The following VPS13B variants were observed in gnomAD, a reference collection of about 807,000 sequenced individuals.
The protein encoded by VPS13B is vacuolar protein sorting 13 homolog B, also known as intermembrane lipid transfer protein VPS13B.
A neutral mutation model predicts 426.4 loss-of-function variants in VPS13B; 285 were observed. The ratio of observed to expected loss-of-function variants is 0.67; its 90% CI spans 0.61 to 0.74. VPS13B has a LOEUF of 0.74. Among genes scored for constraint, VPS13B ranks in the 30% least tolerant of loss-of-function variants. The probability of loss-of-function intolerance (pLI) is 0.00; values close to 1 mark genes in which losing one functional copy is unlikely to be tolerated. For missense variants in VPS13B, 4,537 were observed against 4,782.6 expected (o/e 0.95, Z 1.51); for synonymous variants, 1,676 against 1,676.4 (o/e 1.00, Z 0.01).
chr8:99,787,209 G>A (rs993528948), intron 43 of VPS13B, among the ~76,000 whole-genome samples: 1 of 152,122 alleles, frequency 6.6e-6, no homozygotes, highest in Non-Finnish European at 1.5e-5. Flanking sequence ...ACCTGGAAAG[G>A]TTTCAAAGAG....
At chr8:99,761,517 C>CTT (rs947701399) in intron 39 of VPS13B, among the ~76,000 whole-genome samples, 7 of 152,156 alleles carry the variant, frequency 4.6e-5, no homozygotes, top group African/African-American at 1.7e-4. Context: ...TACTTAAAAA[C>CTT]TTAGTGGTGC....
intron 21 of VPS13B, among the ~76,000 whole-genome samples, chr8:99,414,760 G>A (rs1420221739): frequency 2.6e-5 from 4 of 152,136 alleles, no homozygotes; most frequent in Non-Finnish European, 4.4e-5. Context: ...TTCTCTTCTG[G>A]CTTGTACGGT....
chr8:99,068,147 T>G (rs978644879), intron 3 of VPS13B, among the ~76,000 whole-genome samples: 1 of 152,242 alleles, frequency 6.6e-6, no homozygotes, highest in African/African-American at 2.4e-5. Context: ...TTCCTTTCCT[T>G]TCTTTTCTTA....
chr8:99,063,607 G>A (rs995199802), intron 3 of VPS13B, among the ~76,000 whole-genome samples: 3 of 152,232 alleles, frequency 2.0e-5, no homozygotes, highest in African/African-American at 4.8e-5. Flanking sequence ...GCTCAGCAAG[G>A]CCTGCTGCCT....
At chr8:99,389,603 A>G (rs550793145) in intron 20 of VPS13B, 1 of 152,312 alleles carries the variant, frequency 6.6e-6, no homozygotes, top group African/African-American at 2.4e-5. Context: ...ACAAAATACT[A>G]TATAGGACGA....
In VPS13B at chr8:99,309,790, G is replaced by A. The variant is rs531079445; in HGVS notation, c.2824+34536G>A. On this transcript the variant is annotated intron_variant, in intron 19 of 61. Transcript: ENST00000357162. Reference sequence around the variant, plus strand: ...CCGTGGCCAGTATGGCCATTTTCATGATATTGATTCTTCCTATCCATGAAC... The same window carrying A: ...CCGTGGCCAGTATGGCCATTTTCATAATATTGATTCTTCCTATCCATGAAC... Among the ~76,000 whole-genome samples the A allele has an allele frequency of 2.4e-4, 36 of 152,234 alleles. No individual in the cohort carries two copies. In the East Asian group the frequency reaches 2.9e-3, roughly 12 times the overall value.
At position 99,530,613 on chromosome 8, in the gene VPS13B, C is replaced by CAAA. The variant is rs1196820876; in HGVS notation, c.4745+9618_4745+9620dup. Reference sequence around the variant, plus strand: ...TGGGCAACAGAGTGAGACTCTGTCTCAAAAAAAAAAAAAAAAATAGTAGCA... The same window carrying CAAA: ...TGGGCAACAGAGTGAGACTCTGTCTCAAAAAAAAAAAAAAAAAAAATAGTAGCA... On this transcript the variant is annotated intron_variant, in intron 30 of 61. Transcript: ENST00000357162. Among the ~76,000 whole-genome samples, 4 of 86,064 alleles carry CAAA rather than the reference C, an allele frequency of 4.6e-5. No individual in the cohort carries two copies. The East Asian group carries it at 9.6e-4, about 21-fold the overall frequency. The allele number at this position is 86,064 out of a possible 152,430, so 56.5% of individuals were successfully genotyped here.
chr8:99,067,331 A>C (rs1844583733), intron 3 of VPS13B, among the ~76,000 whole-genome samples: 2 of 152,198 alleles, frequency 1.3e-5, no homozygotes, highest in Non-Finnish European at 2.9e-5. Context: ...GGATGAGTTC[A>C]TGTCCTTTGT....
At chr8:99,398,222 A>T (rs1203240729) in intron 21 of VPS13B, among the ~76,000 whole-genome samples, 1 of 152,236 alleles carries the variant, frequency 6.6e-6, no homozygotes, top group Non-Finnish European at 1.5e-5. Context: ...TCAGGAGACC[A>T]TACAGAGCAG....
At chr8:99,677,582 T>C (rs552720704) in intron 35 of VPS13B, among the ~76,000 whole-genome samples, 4 of 152,296 alleles carry the variant, frequency 2.6e-5, no homozygotes, top group African/African-American at 9.6e-5. Flanking sequence ...AAAAATTACC[T>C]AGCTGAAAAT....
In VPS13B at chr8:99,279,831, G is replaced by A. The variant is rs182808713; in HGVS notation, c.2824+4577G>A. ...GTCGCCCAGGCTGGAGTGCAGTGGC[G>A]CGATCTTGGCTCACTGCAACCTCCG... is the stretch of plus-strand genomic sequence containing the variant. On this transcript the variant is annotated intron_variant, in intron 19 of 61. Transcript: ENST00000357162. 3.2e-3 allele frequency among the ~76,000 whole-genome samples: 482 copies of A among 152,072 alleles called. 3 individuals are homozygous for A. The highest frequency in any genetic ancestry group is 0.011 in the African/African-American group (450 of 41,446).
intron 24 of VPS13B, among the ~76,000 whole-genome samples, chr8:99,481,026 T>C (rs1820005815): frequency 6.6e-6 from 1 of 152,178 alleles, no homozygotes; most frequent in South Asian, 2.1e-4. Context: ...AACAGTTTTT[T>C]CTCCGAATAT....
intron 3 of VPS13B, among the ~76,000 whole-genome samples, chr8:99,076,152 CTA>C (rs1421265179): frequency 2.6e-5 from 4 of 152,062 alleles, no homozygotes; most frequent in Non-Finnish European, 5.9e-5. Context: ...TGATTTGTCT[CTA>C]TTTGTACAGT....
At chr8:99,116,275 G>T (rs1847649631) in intron 7 of VPS13B, among the ~76,000 whole-genome samples, 1 of 150,878 alleles carries the variant, frequency 6.6e-6, no homozygotes, top group Non-Finnish European at 1.5e-5. Context: ...CTTGTGATCT[G>T]CCCGCCTCAG....
chr8:99,332,723 C>G (rs1364652644), intron 19 of VPS13B, among the ~76,000 whole-genome samples: 1 of 151,566 alleles, frequency 6.6e-6, no homozygotes, highest in Non-Finnish European at 1.5e-5. Context: ...CAGACTCTCC[C>G]TAATAAAATT....
At chr8:99,658,810 T>TTGTTTA (rs1252442702) in intron 34 of VPS13B, among the ~76,000 whole-genome samples, 1 of 151,944 alleles carries the variant, frequency 6.6e-6, no homozygotes, top group Non-Finnish European at 1.5e-5. Flanking sequence ...CTTGTTGTTG[T>TTGTTTA]TGTTTTTGTT....
chr8:99,374,707 G>T (rs1813385781), intron 19 of VPS13B, among the ~76,000 whole-genome samples: 2 of 152,086 alleles, frequency 1.3e-5, no homozygotes, highest in Non-Finnish European at 2.9e-5. Flanking sequence ...GTTGGATCTG[G>T]TCTTTGGCTT....
At chr8:99,547,908 C>G (rs1172180081) in intron 30 of VPS13B, among the ~76,000 whole-genome samples, 1 of 152,038 alleles carries the variant, frequency 6.6e-6, no homozygotes, top group Non-Finnish European at 1.5e-5. Flanking sequence ...AATAAGGAGA[C>G]AGCAAAGTTC....
At chr8:99,415,417 A>C (rs1815944464) in intron 21 of VPS13B, among the ~76,000 whole-genome samples, 1 of 151,942 alleles carries the variant, frequency 6.6e-6, no homozygotes, top group Admixed American at 6.6e-5. Context: ...TGCCTCTATC[A>C]ATTTGTCAAA....
Sources: allele counts gnomAD v4.1 joint callset (sites outside exome capture counted in the v4.1 genomes callset), GRCh38; gene constraint gnomAD v4.1.1; transcripts MANE v1.5; gene names NCBI Gene and HGNC (gene_info 2026-07-23, HGNC 2026-07-21).